The following ZMYND11 variants were observed in gnomAD, a reference collection of about 807,000 sequenced individuals.
The protein encoded by ZMYND11 is zinc finger MYND-type containing 11.
ZMYND11 carries 9 observed loss-of-function variants against 84.9 expected under a neutral mutation model. The observed-to-expected ratio is 0.11, with a 90% confidence interval of 0.06 to 0.18. The LOEUF is 0.18. ZMYND11 is among the 10% of genes least tolerant of loss of function. ZMYND11 has a pLI of 1.00. For missense variants in ZMYND11, 409 were observed against 761.0 expected (o/e 0.54, Z 5.44); for synonymous variants, 250 against 244.1 (o/e 1.02, Z -0.23).
chr10:203,788 C>A (rs1253144577), intron 2 of ZMYND11, among the ~76,000 whole-genome samples: 1 of 152,098 alleles, frequency 6.6e-6, no homozygotes, highest in Non-Finnish European at 1.5e-5. Flanking sequence ...TCCCTGAGCC[C>A]CTCTCTGCAG....
At chr10:250,019 C>A (rs1055628521) in intron 14 of ZMYND11, among the ~76,000 whole-genome samples, 1 of 152,136 alleles carries the variant, frequency 6.6e-6, no homozygotes, top group African/African-American at 2.4e-5. Context: ...GTTAAAAAAA[C>A]AACCTGCACA....
At chr10:218,280 TATTA>T (rs1319985267) in intron 3 of ZMYND11, among the ~76,000 whole-genome samples, 1 of 152,240 alleles carries the variant, frequency 6.6e-6, no homozygotes, top group Non-Finnish European at 1.5e-5. Context: ...GTCTTTTCGT[TATTA>T]ATTAGCACAT....
At position 220,043 on chromosome 10, in the gene ZMYND11, CAG is replaced by C. The variant is rs1297814327; in HGVS notation, c.277-1151_277-1150del. ...TATCTGGCAGTCAGATATGGTCAAG[CAG>C]TAACATGTTTGAACCTAGTTTCCAA... On this transcript the variant is annotated intron_variant, in intron 3 of 14. Coordinates refer to ENST00000381604, the MANE Select transcript of ZMYND11 (RefSeq NM_001370100.5). 2.0e-5 allele frequency among the ~76,000 whole-genome samples: 3 copies of C among 152,200 alleles called. No homozygotes were observed. In the East Asian group the frequency reaches 5.8e-4, roughly 29 times the overall value.
At chr10:218,031 T>A (rs1589034629) in intron 3 of ZMYND11, among the ~76,000 whole-genome samples, 3 of 152,366 alleles carry the variant, frequency 2.0e-5, no homozygotes, top group Admixed American at 2.0e-4. Flanking sequence ...ATTCATCATT[T>A]CCGATTTTTA....
rs1039007927 is a variant in ZMYND11, at chr10:249,182, G to C, written c.1686+94G>C. 6.4e-6 allele frequency: 10 copies of C among 1,568,162 alleles called. No individual in the cohort carries two copies. In the African/African-American group the frequency reaches 1.2e-4, roughly 19 times the overall value. Reference sequence around the variant, plus strand: ...GAAGGTAGCTGTGGCACATGCAGAAGATGTTTCTGAAATAAGATCAAATGT... The same window carrying C: ...GAAGGTAGCTGTGGCACATGCAGAACATGTTTCTGAAATAAGATCAAATGT... On this transcript the variant is annotated intron_variant, in intron 14 of 14. Coordinates refer to ENST00000381604, the MANE Select transcript of ZMYND11 (RefSeq NM_001370100.5).
intron 2 of ZMYND11, among the ~76,000 whole-genome samples, chr10:182,958 A>G (rs1848190038): frequency 6.6e-6 from 1 of 152,178 alleles, no homozygotes. Flanking sequence ...AACTTTGCAG[A>G]TATCTTAAGG....
chr10:244,925 G>C (rs1951821067), intron 10 of ZMYND11, among the ~76,000 whole-genome samples: 1 of 152,170 alleles, frequency 6.6e-6, no homozygotes, highest in Non-Finnish European at 1.5e-5. Flanking sequence ...ACAGATACAA[G>C]TTCATTCCAG....
intron 2 of ZMYND11, among the ~76,000 whole-genome samples, chr10:203,270 T>C (rs1032579468): frequency 6.6e-6 from 1 of 151,580 alleles, no homozygotes; most frequent in Non-Finnish European, 1.5e-5. Context: ...CCTGAAACTA[T>C]AAAGAGAGGT....
Position 240,988 on chromosome 10 carries a change from C to T in ZMYND11, c.831+18C>T, listed in dbSNP as rs1032869279. 6.3e-7 allele frequency: 1 copy of T among 1,594,074 alleles called. No individual in the cohort carries two copies. Among genetic ancestry groups the T allele is most frequent in the Non-Finnish European group, 8.6e-7 (1 of 1,163,028 alleles). ...ATCCTTGTGTATGTGAAATTTTTACCTCAAGTGTGTAACATACAGCTCTAA... is the reference window on the plus strand; with the variant it reads ...ATCCTTGTGTATGTGAAATTTTTACTTCAAGTGTGTAACATACAGCTCTAA... On this transcript the variant is annotated intron_variant, in intron 9 of 14. Transcript: ENST00000381604.
intron 2 of ZMYND11, among the ~76,000 whole-genome samples, chr10:180,814 G>T (rs556101262): frequency 3.5e-4 from 54 of 152,246 alleles, no homozygotes; most frequent in African/African-American, 1.3e-3. Flanking sequence ...GGTATGTGTA[G>T]TAAGAAACAT....
intron 2 of ZMYND11, among the ~76,000 whole-genome samples, chr10:202,365 G>A (rs1943352917): frequency 6.6e-6 from 1 of 152,116 alleles, no homozygotes; most frequent in Non-Finnish European, 1.5e-5. Context: ...AAGAATAGAA[G>A]AGTGAGCAGG....
intron 1 of ZMYND11, among the ~76,000 whole-genome samples, chr10:177,281 A>G (rs1846860138): frequency 6.6e-6 from 1 of 152,130 alleles, no homozygotes; most frequent in South Asian, 2.1e-4. Context: ...ATATGCCTCA[A>G]ACTTCATTGT....
intron 3 of ZMYND11, among the ~76,000 whole-genome samples, chr10:219,701 A>G (rs1335022580): frequency 6.6e-6 from 1 of 152,182 alleles, no homozygotes; most frequent in South Asian, 2.1e-4. Flanking sequence ...TGTGCAGTAC[A>G]TCATTTTGTG....
intron 1 of ZMYND11, among the ~76,000 whole-genome samples, chr10:168,085 G>C (rs568067116): frequency 6.6e-6 from 1 of 152,030 alleles, no homozygotes; most frequent in Non-Finnish European, 1.5e-5. Flanking sequence ...TATGGTAAAA[G>C]TTATTAGGGG....
At position 206,589 on chromosome 10, in the gene ZMYND11, C is replaced by T. The variant is rs563211071; in HGVS notation, c.117-3300C>T. ...TTGTTTTCCAAATCCTATACACTTC[C>T]ATCTTGACCCCTGCTTCATTTAGGT... On this transcript the variant is annotated intron_variant, in intron 2 of 14. Coordinates refer to ENST00000381604, the MANE Select transcript of ZMYND11 (RefSeq NM_001370100.5). Among the ~76,000 whole-genome samples, 5 of 152,174 alleles carry T rather than the reference C, an allele frequency of 3.3e-5. No individual in the cohort carries two copies. In the South Asian group the frequency reaches 8.3e-4, roughly 25 times the overall value.
chr10:146,887 G>T (rs782204736), intron 1 of ZMYND11, among the ~76,000 whole-genome samples: 27 of 152,222 alleles, frequency 1.8e-4, no homozygotes, highest in Admixed American at 5.9e-4. Context: ...CTGCCTGCCA[G>T]CATGTAAGAC....
chr10:199,406 C>T (rs1457386200), intron 2 of ZMYND11, among the ~76,000 whole-genome samples: 2 of 151,070 alleles, frequency 1.3e-5, no homozygotes, highest in Non-Finnish European at 2.9e-5. Context: ...TAAATCTTAT[C>T]CTTATTATAT....
At chr10:194,762 G>A (rs907157722) in intron 2 of ZMYND11, among the ~76,000 whole-genome samples, 2 of 152,108 alleles carry the variant, frequency 1.3e-5, no homozygotes, top group African/African-American at 2.4e-5. Context: ...GTTTATTTCA[G>A]TATTACTGAA....
chr10:241,487 C>CTTAATAAAGTGAATTT lies in ZMYND11; in HGVS notation c.831+520_832-516dup, dbSNP rs564047870. 1.3e-3 allele frequency among the ~76,000 whole-genome samples: 197 copies of CTTAATAAAGTGAATTT among 152,280 alleles called. 1 individual carries two copies. Among genetic ancestry groups the CTTAATAAAGTGAATTT allele is most frequent in the African/African-American group, 4.4e-3 (185 of 41,576 alleles). ...GCCACCACACCCAGCGTCTGGGTCC[C>CTTAATAAAGTGAATTT]TTAATAAAGTGAATTTTTGTTTCTC... On this transcript the variant is annotated intron_variant, in intron 9 of 14. Coordinates refer to ENST00000381604, the MANE Select transcript of ZMYND11 (RefSeq NM_001370100.5).
Sources: gnomAD v4.1 joint callset for allele counts (sites outside exome capture counted in the v4.1 genomes callset) on GRCh38, gnomAD v4.1.1 for gene constraint, MANE v1.5 for transcripts, NCBI Gene and HGNC (gene_info 2026-07-23, HGNC 2026-07-21) for gene names.